Variants in UGT2B4 observed in about 807,000 individuals in gnomAD.
The protein encoded by UGT2B4 is UDP glucuronosyltransferase family 2 member B4, also known as UDP-glucuronosyltransferase 2B4.
In UGT2B4, 49 loss-of-function variants were observed where a neutral mutation model predicts 49.8. The ratio of observed to expected loss-of-function variants is 0.98; its 90% CI spans 0.78 to 1.25. The LOEUF (loss-of-function observed/expected upper bound fraction) is 1.25, where lower values mean the gene tolerates loss of function less well. Ranked by LOEUF, UGT2B4 falls within the 50% of genes most tolerant of loss-of-function variation. The probability of loss-of-function intolerance (pLI) is 0.00; values close to 1 mark genes in which losing one functional copy is unlikely to be tolerated. For missense variants in UGT2B4, 729 were observed against 627.7 expected, an observed-to-expected ratio of 1.16 and a Z score of -1.73; for synonymous variants, 246 against 217.7, an observed-to-expected ratio of 1.13 and a Z score of -1.14.
At chr4:69,485,468 A>G (rs1560432016) in intron 4 of UGT2B4, 41 bp from the exon 5 acceptor site, 1 of 1,607,318 alleles carries the variant, frequency 6.2e-7, no homozygotes, top group East Asian at 2.2e-5. Flanking sequence ...TCATAGGAAT[A>G]AAATGAGAAA....
intron 1 of UGT2B4, among the ~76,000 whole-genome samples, chr4:69,524,616 G>T (rs1310090207): frequency 6.6e-6 from 1 of 151,716 alleles, no homozygotes; most frequent in Non-Finnish European, 1.5e-5. Context: ...GTGTCACAAA[G>T]ATATAAATTG....
At chr4:69,482,617 CT>C (rs889923058) in intron 5 of UGT2B4, among the ~76,000 whole-genome samples, 1 of 150,340 alleles carries the variant, frequency 6.7e-6, no homozygotes, top group Non-Finnish European at 1.5e-5. Flanking sequence ...TTTTTTTTTC[CT>C]TTTTTTGAGA....
chr4:69,492,453 G>T (rs1728018003), intron 2 of UGT2B4, among the ~76,000 whole-genome samples: 1 of 152,032 alleles, frequency 6.6e-6, no homozygotes, highest in Non-Finnish European at 1.5e-5. Context: ...GTCACTTGTG[G>T]TAGAATTTTA....
intron 1 of UGT2B4, among the ~76,000 whole-genome samples, chr4:69,512,983 G>A (rs1458727054): frequency 1.3e-5 from 2 of 152,104 alleles, no homozygotes; most frequent in African/African-American, 4.8e-5. Context: ...CTGGATATGA[G>A]AACTTTGTCA....
Position 69,509,286 on chromosome 4 carries a change from G to A in UGT2B4, c.-105-13320C>T, listed in dbSNP as rs144025022. Among the ~76,000 whole-genome samples, 907 of 149,428 alleles carry A rather than the reference G, an allele frequency of 6.1e-3. 8 individuals are homozygous for A. Among genetic ancestry groups the A allele is most frequent in the African/African-American group, 0.02 (813 of 40,690 alleles). On this transcript the variant is annotated intron_variant, in intron 1 of 1. Coordinates refer to the UGT2B4 transcript ENST00000510114. ...TCCCAGGCTGAAGCAATTCTCCTGC[G>A]TCAGCCTCCTGAGTAGCTGGGACTA...
chr4:69,495,009 A>G, intron 1 of UGT2B4, 132 bp downstream of exon 1: 1 of 837,708 alleles, frequency 1.2e-6, no homozygotes, highest in South Asian at 3.0e-5. Context: ...TTGGTAGATC[A>G]TCTTACAATT....
At chr4:69,518,804 T>C (rs1425977719) in intron 1 of UGT2B4, among the ~76,000 whole-genome samples, 2 of 152,162 alleles carry the variant, frequency 1.3e-5, no homozygotes, top group Non-Finnish European at 2.9e-5. Context: ...GACTACCCAA[T>C]GATTTAATAA....
At chr4:69,516,204 A>C (rs1029451843) in intron 1 of UGT2B4, among the ~76,000 whole-genome samples, 6 of 152,222 alleles carry the variant, frequency 3.9e-5, no homozygotes, top group African/African-American at 7.2e-5. Context: ...ACGGTATTCC[A>C]TGGTGTATAT....
chr4:69,513,249 T>G (rs1057311094), intron 1 of UGT2B4, among the ~76,000 whole-genome samples: 1 of 152,212 alleles, frequency 6.6e-6, no homozygotes, highest in Admixed American at 6.5e-5. Flanking sequence ...CCATCTTGAG[T>G]TGATTTTTGT....
intron 1 of UGT2B4, among the ~76,000 whole-genome samples, chr4:69,511,993 A>T (rs185534067): frequency 5.1e-4 from 78 of 152,010 alleles, no homozygotes; most frequent in African/African-American, 1.8e-3. Context: ...CTGAGGCATT[A>T]GTTGCAATGC....
chr4:69,524,938 T>C (rs576111855), intron 1 of UGT2B4, among the ~76,000 whole-genome samples: 7 of 152,266 alleles, frequency 4.6e-5, no homozygotes, highest in Admixed American at 4.6e-4. Context: ...ACGGAAAGAA[T>C]TCACAGTGAG....
chr4:69,496,116 G>T, upstream of UGT2B4: 1 of 330,366 alleles, frequency 3.0e-6, no homozygotes, highest in Non-Finnish European at 5.2e-6. Flanking sequence ...CTCCTCCCAG[G>T]TTCACACCAC....
At chr4:69,491,249 C>A (rs1727977062) in intron 2 of UGT2B4, among the ~76,000 whole-genome samples, 2 of 151,658 alleles carry the variant, frequency 1.3e-5, no homozygotes, top group African/African-American at 2.4e-5. Context: ...TGTATTATAG[C>A]TGACTGTAAC....
At chr4:69,525,076 A>G (rs1315513817) in intron 1 of UGT2B4, among the ~76,000 whole-genome samples, 2 of 152,214 alleles carry the variant, frequency 1.3e-5, no homozygotes, top group Non-Finnish European at 2.9e-5. Context: ...TTTGTACAGT[A>G]CATATGGGGT....
chr4:69,520,061 ACT>A (rs1728813389), intron 1 of UGT2B4, among the ~76,000 whole-genome samples: 2 of 152,280 alleles, frequency 1.3e-5, no homozygotes, highest in African/African-American at 2.4e-5. Flanking sequence ...TTTTTTAAAA[ACT>A]CTACTTATTT....
At chr4:69,502,145 CTTTCTCT>C (rs1182747206) in intron 1 of UGT2B4, among the ~76,000 whole-genome samples, 4 of 115,268 alleles carry the variant, frequency 3.5e-5, no homozygotes, top group Admixed American at 9.6e-5. Flanking sequence ...TTCTTTCTTT[CTTTCTCT>C]TTCTTTCTTT....
intron 1 of UGT2B4, among the ~76,000 whole-genome samples, chr4:69,515,532 A>G (rs567722229): frequency 6.6e-6 from 1 of 152,278 alleles, no homozygotes; most frequent in East Asian, 1.9e-4. Flanking sequence ...AATCTATAGC[A>G]CTAGATGCCC....
Position 69,491,311 on chromosome 4 carries a change from A to T in UGT2B4, c.871-1741T>A, listed in dbSNP as rs184734543. The stretch of plus-strand genomic sequence containing the variant: ...TAATGCTATAGTATGCATCTAGTAT[A>T]TGTTTTTAATTATTCCTTAATTTCA... On this transcript the variant is annotated intron_variant, in intron 2 of 5. Transcript: ENST00000305107. Among the ~76,000 whole-genome samples the T allele has an allele frequency of 1.8e-4, 28 of 152,104 alleles. No homozygotes were observed. In the East Asian group the frequency reaches 5.4e-3, roughly 29 times the overall value.
At chr4:69,522,881 C>T (rs955451846) in intron 1 of UGT2B4, among the ~76,000 whole-genome samples, 4 of 152,146 alleles carry the variant, frequency 2.6e-5, no homozygotes, top group Non-Finnish European at 4.4e-5. Flanking sequence ...TGTAACATTC[C>T]AAATACTTTG....
Sources: allele counts gnomAD v4.1 joint callset (sites outside exome capture counted in the v4.1 genomes callset), GRCh38; gene constraint gnomAD v4.1.1; transcripts MANE v1.5; gene names NCBI Gene and HGNC (gene_info 2026-07-23, HGNC 2026-07-21).